Variants in SPAG17 observed in about 807,000 individuals in gnomAD.
SPAG17 encodes the protein sperm associated antigen 17.
In SPAG17, 169 loss-of-function variants were observed where a neutral mutation model predicts 273.6. That is an observed-to-expected ratio of 0.62 (90% CI 0.55 to 0.70). The LOEUF is 0.70. Among genes scored for constraint, SPAG17 ranks in the 30% least tolerant of loss-of-function variants. SPAG17 has a pLI of 0.00. For synonymous variants in SPAG17, 825 were observed against 873.2 expected (o/e 0.94, Z 0.97); for missense variants, 2,557 against 2,627.8 (o/e 0.97, Z 0.59).
intron 5 of SPAG17, 47 bp from the exon 6 acceptor site, chr1:118,099,847 G>A: frequency 1.3e-6 from 2 of 1,571,450 alleles, no homozygotes; most frequent in South Asian, 2.2e-5. Context: ...GTAAAAGAGA[G>A]CAGGTTGCAC....
At chr1:118,124,617 G>A (rs949079601) in intron 3 of SPAG17, among the ~76,000 whole-genome samples, 3 of 152,210 alleles carry the variant, frequency 2.0e-5, no homozygotes, top group African/African-American at 7.2e-5. Context: ...TGCTCAGACT[G>A]TGTAACACAC....
At chr1:118,030,086 C>T (rs567146516) in intron 25 of SPAG17, among the ~76,000 whole-genome samples, 27 of 152,124 alleles carry the variant, frequency 1.8e-4, no homozygotes, top group African/African-American at 5.8e-4. Flanking sequence ...TAGCAAGATG[C>T]CTTTGGCCAA....
At position 118,122,779 on chromosome 1, in the gene SPAG17, A is replaced by T. The variant is rs998278746; in HGVS notation, c.316-7338T>A. ...ACTTTGCATGGTGAATGACATATGC[A>T]TGATAAATGTTCACTAAAGTCAGTA... On this transcript the variant is annotated intron_variant, in intron 3 of 48. Coordinates refer to ENST00000336338, the MANE Select transcript of SPAG17 (RefSeq NM_206996.4). 7.2e-5 allele frequency among the ~76,000 whole-genome samples: 11 copies of T among 152,246 alleles called. 1 individual carries two copies. Among genetic ancestry groups the T allele is most frequent in the Admixed American group, 7.2e-4 (11 of 15,286 alleles).
At chr1:118,058,952 T>C (rs182011890) in intron 18 of SPAG17, among the ~76,000 whole-genome samples, 14 of 152,216 alleles carry the variant, frequency 9.2e-5, no homozygotes, top group Admixed American at 5.9e-4. Context: ...GTCAAAATAA[T>C]AGAAAGGGGA....
Position 118,116,405 on chromosome 1 carries a change from C to A in SPAG17, c.316-964G>T, listed in dbSNP as rs148284758. On this transcript the variant is annotated intron_variant, in intron 3 of 48. Transcript: ENST00000336338. Reference sequence around the variant, plus strand: ...TAACCTTGGGATGAATTAGGTGTTACTAAAATGTTCTGACATGTTGCTTTT... The same window carrying A: ...TAACCTTGGGATGAATTAGGTGTTAATAAAATGTTCTGACATGTTGCTTTT... 2.4e-3 allele frequency among the ~76,000 whole-genome samples: 361 copies of A among 152,210 alleles called. 2 individuals are homozygous for A. Among genetic ancestry groups the A allele is most frequent in the African/African-American group, 7.6e-3 (317 of 41,512 alleles).
chr1:118,088,143 T>A (rs991724474), intron 10 of SPAG17, among the ~76,000 whole-genome samples: 1 of 152,190 alleles, frequency 6.6e-6, no homozygotes, highest in African/African-American at 2.4e-5. Context: ...ATCACTCAAA[T>A]CTGTTTCTTC....
At chr1:118,057,137 C>T (rs551634858) in intron 18 of SPAG17, among the ~76,000 whole-genome samples, 6 of 152,032 alleles carry the variant, frequency 3.9e-5, no homozygotes, top group East Asian at 3.9e-4. Flanking sequence ...CCACCATGCC[C>T]GGCTTCTTAT....
At chr1:118,145,757 C>T (rs565066515) in intron 3 of SPAG17, among the ~76,000 whole-genome samples, 53 of 151,942 alleles carry the variant, frequency 3.5e-4, no homozygotes, top group African/African-American at 1.2e-3. Context: ...CAAAATTGCA[C>T]CATATCACAT....
chr1:118,091,320 C>T (rs1164002561), intron 10 of SPAG17, among the ~76,000 whole-genome samples: 1 of 152,156 alleles, frequency 6.6e-6, no homozygotes, highest in Non-Finnish European at 1.5e-5. Context: ...TGTTCTCTTC[C>T]TTTTCCTCTT....
chr1:117,996,471 C>T lies in SPAG17; in HGVS notation c.4952G>A (p.Gly1651Glu). The T allele has an allele frequency of 6.2e-7, 1 of 1,613,026 alleles. No homozygotes were observed. The highest frequency in any genetic ancestry group is 8.5e-7 in the Non-Finnish European group (1 of 1,179,404). The change falls in exon 34 of 49, where the codon GGA becomes GAA. Residue 1651 changes from glycine to glutamate, a missense_variant. Gly to Glu is a moderately conservative substitution (Grantham distance 98). Transcript: ENST00000336338. ...RFFVMYADGS[G>E]MELLRDSDIE... ...GTCACTGTCTCGAAGAAGTTCCATT[C>T]CTGATCCATCAGCATACATAACAAA... is the stretch of plus-strand genomic sequence containing the variant.
chr1:118,062,942 A>C (rs1652506664), intron 18 of SPAG17, among the ~76,000 whole-genome samples: 1 of 152,216 alleles, frequency 6.6e-6, no homozygotes, highest in Non-Finnish European at 1.5e-5. Flanking sequence ...GTTAACAAAA[A>C]TGTAACACAT....
chr1:118,001,853 G>C (rs1388522822), intron 32 of SPAG17, among the ~76,000 whole-genome samples: 1 of 151,942 alleles, frequency 6.6e-6, no homozygotes, highest in Admixed American at 6.6e-5. Flanking sequence ...GTTATTTCTT[G>C]CCTTCTGCTA....
intron 6 of SPAG17, 85 bp downstream of exon 6, chr1:118,099,521 T>A: frequency 8.1e-7 from 1 of 1,230,838 alleles, no homozygotes; most frequent in African/African-American, 1.5e-5. Context: ...TGTAAGACTA[T>A]GTTTTGGACA....
chr1:118,010,709 C>G (rs1448304270), intron 30 of SPAG17, among the ~76,000 whole-genome samples: 1 of 152,050 alleles, frequency 6.6e-6, no homozygotes, highest in African/African-American at 2.4e-5. Flanking sequence ...CAAAAATTGA[C>G]AAGTGAGATC....
intron 42 of SPAG17, 136 bp from the exon 43 acceptor site, chr1:117,981,537 A>C: frequency 2.3e-6 from 2 of 864,624 alleles, no homozygotes; most frequent in Non-Finnish European, 3.4e-6. Flanking sequence ...CTCTTTAGAA[A>C]GACTAAATAT....
chr1:118,122,515 A>G (rs944619076), intron 3 of SPAG17, among the ~76,000 whole-genome samples: 1 of 152,198 alleles, frequency 6.6e-6, no homozygotes, highest in Non-Finnish European at 1.5e-5. Flanking sequence ...TGGTGGCACT[A>G]TTGACATTTT....
chr1:118,133,170 GC>G (rs1416677856), intron 3 of SPAG17, among the ~76,000 whole-genome samples: 1 of 152,092 alleles, frequency 6.6e-6, no homozygotes, highest in Admixed American at 6.6e-5. Context: ...ATATCCTCCA[GC>G]AACTAGAACA....
chr1:118,181,297 T>C (rs1324549522), intron 1 of SPAG17, among the ~76,000 whole-genome samples: 3 of 152,000 alleles, frequency 2.0e-5, no homozygotes, highest in African/African-American at 7.2e-5. Context: ...GTAATTACTT[T>C]AAATGTACAT....
At chr1:117,962,220 T>C (rs758670022) in intron 48 of SPAG17, 9 of 152,184 alleles carry the variant, frequency 5.9e-5, no homozygotes, top group Non-Finnish European at 1.3e-4. Flanking sequence ...AAGTGACATG[T>C]ACAGAACCTA....
Sources: gnomAD v4.1 joint callset for allele counts (sites outside exome capture counted in the v4.1 genomes callset) on GRCh38, gnomAD v4.1.1 for gene constraint, MANE v1.5 for transcripts, NCBI Gene and HGNC (gene_info 2026-07-23, HGNC 2026-07-21) for gene names.